The following NFIB variants were observed in gnomAD, a reference collection of about 807,000 sequenced individuals.
NFIB encodes the protein nuclear factor 1 B-type.
NFIB carries 11 observed loss-of-function variants against 61.5 expected under a neutral mutation model. The ratio of observed to expected loss-of-function variants is 0.18; its 90% CI spans 0.11 to 0.30. NFIB has a LOEUF of 0.30. Ranked by LOEUF, NFIB falls within the 10% of genes least tolerant of loss-of-function variation. The pLI is 1.00. For synonymous variants in NFIB, 260 were observed against 216.5 expected (o/e 1.20, Z -1.76); for missense variants, 471 against 608.9 (o/e 0.77, Z 2.38).
the NFIB span, among the ~76,000 whole-genome samples, chr9:14,438,726 C>G: frequency 6.6e-6 from 1 of 152,108 alleles, no homozygotes; most frequent in African/African-American, 2.4e-5. Context: ...TCTGGTGGGC[C>G]AGGCCTCTAT....
rs530313888 is a variant in NFIB at position 14,270,720 on chromosome 9, G to C, written c.562+36269C>G. Among the ~76,000 whole-genome samples the C allele has an allele frequency of 4.0e-5, 6 of 151,652 alleles. No individual in the cohort carries two copies. In the South Asian group the frequency reaches 1.0e-3, roughly 26 times the overall value. On this transcript the variant is annotated intron_variant, in intron 2 of 10. Coordinates refer to ENST00000380953, the MANE Select transcript of NFIB (RefSeq NM_001190737.2). ...ATTTTAAAAAGTAAGGTGTCTCTTT[G>C]CAACATTTTAATAAGTAGGGAATGC...
chr9:14,431,174 G>A, the NFIB span, among the ~76,000 whole-genome samples: 1 of 152,074 alleles, frequency 6.6e-6, no homozygotes, highest in Non-Finnish European at 1.5e-5. Context: ...TTTAACAACA[G>A]CAAGAAGGAA....
intron 2 of NFIB, among the ~76,000 whole-genome samples, chr9:14,300,675 T>A (rs1417684437): frequency 6.6e-6 from 1 of 152,254 alleles, no homozygotes; most frequent in Non-Finnish European, 1.5e-5. Flanking sequence ...TAAGCCACCA[T>A]GATAACAGAA....
chr9:14,529,174 C>T, the NFIB span, among the ~76,000 whole-genome samples: 1 of 152,094 alleles, frequency 6.6e-6, no homozygotes, highest in African/African-American at 2.4e-5. Context: ...CTAAAACATG[C>T]CTGTCTAGGA....
intron 2 of NFIB, among the ~76,000 whole-genome samples, chr9:14,202,657 G>A (rs569417668): frequency 6.6e-5 from 10 of 152,126 alleles, no homozygotes; most frequent in East Asian, 5.8e-4. Flanking sequence ...TCGGTTCTAC[G>A]TTTCTTGTCT....
At chr9:14,157,712 G>A (rs368020108) in intron 3 of NFIB, among the ~76,000 whole-genome samples, 2 of 152,076 alleles carry the variant, frequency 1.3e-5, no homozygotes, top group Admixed American at 6.6e-5. Context: ...TTGCCTGGTC[G>A]GGGAAAGAGA....
chr9:14,140,621 A>G (rs1195520491), intron 6 of NFIB, among the ~76,000 whole-genome samples: 1 of 152,190 alleles, frequency 6.6e-6, no homozygotes, highest in Non-Finnish European at 1.5e-5. Flanking sequence ...ATCTTTTCAC[A>G]TTCCTAAACT....
intron 2 of NFIB, among the ~76,000 whole-genome samples, chr9:14,184,592 T>G (rs954585592): frequency 3.9e-5 from 6 of 152,158 alleles, no homozygotes; most frequent in Non-Finnish European, 7.4e-5. Flanking sequence ...TATATGACAA[T>G]AAATAAGTAA....
rs532394808 is a variant in NFIB at position 14,234,981 on chromosome 9, T to C, written c.563-55201A>G. 1.5e-4 allele frequency among the ~76,000 whole-genome samples: 23 copies of C among 152,290 alleles called. No individual in the cohort carries two copies. The South Asian group carries it at 4.6e-3, about 30-fold the overall frequency. On this transcript the variant is annotated intron_variant, in intron 2 of 10. Transcript: ENST00000380953. The stretch of plus-strand genomic sequence containing the variant: ...ACAAATGTTGAATAACCAAATCTTT[T>C]AGACTTTTAAATCATTCATTATTCT...
At chr9:14,316,637 C>T (rs575304654), upstream of NFIB, among the ~76,000 whole-genome samples, 1 of 152,298 alleles carries the variant, frequency 6.6e-6, no homozygotes, top group East Asian at 1.9e-4. Context: ...ATACTCATTT[C>T]TCTCAGAAAT....
chr9:14,447,298 T>C, the NFIB span, among the ~76,000 whole-genome samples: 2 of 152,240 alleles, frequency 1.3e-5, no homozygotes, highest in Non-Finnish European at 2.9e-5. Context: ...TCATGGTGCA[T>C]TATTTCCTTG....
chr9:14,214,160 C>G (rs955116002), intron 2 of NFIB, among the ~76,000 whole-genome samples: 7 of 152,108 alleles, frequency 4.6e-5, no homozygotes, highest in African/African-American at 1.4e-4. Context: ...TAAGGAAAGC[C>G]CAAAGAGAGA....
intron 3 of NFIB, among the ~76,000 whole-genome samples, chr9:14,161,303 G>C (rs530896608): frequency 6.6e-6 from 1 of 152,200 alleles, no homozygotes; most frequent in South Asian, 2.1e-4. Context: ...TTTCTTCACA[G>C]AGATTAAATC....
chr9:14,425,297 G>C, the NFIB span, among the ~76,000 whole-genome samples: 1 of 152,060 alleles, frequency 6.6e-6, no homozygotes, highest in Non-Finnish European at 1.5e-5. Flanking sequence ...GCCACAAAGG[G>C]CCACTAGACC....
intron 1 of NFIB, among the ~76,000 whole-genome samples, chr9:14,367,140 T>C (rs982294354): frequency 6.6e-6 from 1 of 152,176 alleles, no homozygotes; most frequent in African/African-American, 2.4e-5. Flanking sequence ...CCCTACCCTA[T>C]GCAGGTGCTC....
intron 6 of NFIB, among the ~76,000 whole-genome samples, chr9:14,140,302 C>CA (rs1212985155): frequency 1.3e-5 from 2 of 152,170 alleles, no homozygotes; most frequent in Non-Finnish European, 2.9e-5. Context: ...GCTGCTTATT[C>CA]ACTCAGCTCC....
chr9:14,495,445 A>AT, the NFIB span, among the ~76,000 whole-genome samples: 15 of 98,094 alleles, frequency 1.5e-4, no homozygotes, highest in South Asian at 1.9e-3. Flanking sequence ...AGAGAAATGA[A>AT]CTTTTTTTTT....
intron 2 of NFIB, among the ~76,000 whole-genome samples, chr9:14,224,841 A>G (rs947684223): frequency 4.6e-5 from 7 of 152,236 alleles, no homozygotes; most frequent in South Asian, 2.1e-4. Flanking sequence ...ATAGGAATAC[A>G]GTATCTTCCC....
intron 1 of NFIB, among the ~76,000 whole-genome samples, chr9:14,380,467 A>T (rs1025757807): frequency 2.0e-5 from 3 of 152,244 alleles, no homozygotes; most frequent in African/African-American, 7.2e-5. Flanking sequence ...AAATGTCTTC[A>T]TTCACTTTGC....
Sources: allele counts gnomAD v4.1 joint callset (sites outside exome capture counted in the v4.1 genomes callset), GRCh38; gene constraint gnomAD v4.1.1; transcripts MANE v1.5; gene names NCBI Gene and HGNC (gene_info 2026-07-23, HGNC 2026-07-21).